The following SAP30BP variants were observed in gnomAD, a reference collection of about 807,000 sequenced individuals.
SAP30BP encodes SAP30 binding protein, also known as SAP30-binding protein.
SAP30BP carries 31 observed loss-of-function variants against 46.3 expected under a neutral mutation model. The ratio of observed to expected loss-of-function variants is 0.67; its 90% CI spans 0.50 to 0.90. The LOEUF (loss-of-function observed/expected upper bound fraction) is 0.90, where lower values mean the gene tolerates loss of function less well. Among genes scored for constraint, SAP30BP ranks in the 40% least tolerant of loss-of-function variants. The probability of loss-of-function intolerance (pLI) is 0.00; values close to 1 mark genes in which losing one functional copy is unlikely to be tolerated. For synonymous variants in SAP30BP, 169 were observed against 144.2 expected (o/e 1.17, Z -1.23); for missense variants, 312 against 391.0 (o/e 0.80, Z 1.70).
intron 3 of SAP30BP, among the ~76,000 whole-genome samples, chr17:75,676,487 T>C (rs1016737695): frequency 3.9e-5 from 6 of 152,380 alleles, no homozygotes; most frequent in African/African-American, 1.4e-4. Flanking sequence ...TTTGAAAGCA[T>C]GAATTTATCA....
chr17:75,679,598 T>A (rs1435275251), intron 3 of SAP30BP: 2 of 152,188 alleles, frequency 1.3e-5, no homozygotes, highest in African/African-American at 4.8e-5. Flanking sequence ...GGTCCTGTCC[T>A]TTAGGTTGGG....
chr17:75,701,044 A>G (rs1220767730), intron 5 of SAP30BP, among the ~76,000 whole-genome samples: 3 of 152,072 alleles, frequency 2.0e-5, no homozygotes, highest in Non-Finnish European at 4.4e-5. Context: ...AGCTTGGAGG[A>G]CAGAGGTTCT....
At chr17:75,676,531 G>A (rs2059992777) in intron 3 of SAP30BP, among the ~76,000 whole-genome samples, 1 of 152,216 alleles carries the variant, frequency 6.6e-6, no homozygotes, top group African/African-American at 2.4e-5. Context: ...TTTCCTTGAA[G>A]TAACAGGCTT....
intron 3 of SAP30BP, among the ~76,000 whole-genome samples, chr17:75,688,754 C>T (rs2060198805): frequency 6.6e-6 from 1 of 152,202 alleles, no homozygotes; most frequent in Non-Finnish European, 1.5e-5. Flanking sequence ...TTACTTCCTT[C>T]CTGCGCTCCA....
chr17:75,693,327 C>T (rs372299123), intron 3 of SAP30BP, 113 bp from the exon 4 acceptor site: 1 of 856,080 alleles, frequency 1.2e-6, no homozygotes, highest in African/African-American at 1.7e-5. Flanking sequence ...CTTAGTGTTC[C>T]TGGCAGTGCT....
In SAP30BP at chr17:75,703,394, G is replaced by A. The variant is rs753292978; in HGVS notation, c.549+23G>A. On this transcript the variant is annotated intron_variant, in intron 7 of 10. Transcript: ENST00000584667. Reference sequence around the variant, plus strand: ...AAGGTGCGTCTGGCACACGGGGCTGGAGGGTGATGGGGACACCCAGGGTCC... The same window carrying A: ...AAGGTGCGTCTGGCACACGGGGCTGAAGGGTGATGGGGACACCCAGGGTCC... 3 of 1,610,202 alleles carry A rather than the reference G, an allele frequency of 1.9e-6. No individual in the cohort carries two copies. In the South Asian group the frequency reaches 3.3e-5, roughly 18 times the overall value.
At chr17:75,703,510 T>C in intron 7 of SAP30BP, 139 bp downstream of exon 7, 1 of 733,180 alleles carries the variant, frequency 1.4e-6, no homozygotes, top group Non-Finnish European at 2.3e-6. Context: ...TCTCTTTTGT[T>C]TGAGTCCCTA....
chr17:75,677,865 C>T (rs557487410), intron 3 of SAP30BP, among the ~76,000 whole-genome samples: 3 of 150,604 alleles, frequency 2.0e-5, no homozygotes, highest in South Asian at 4.2e-4. Flanking sequence ...AAGGTCAACA[C>T]GATGAAAAAG....
intron 9 of SAP30BP, 105 bp downstream of exon 9, chr17:75,704,919 T>G: frequency 1.1e-6 from 1 of 877,376 alleles, no homozygotes; most frequent in Non-Finnish European, 1.9e-6. Context: ...CCTGGCCCCG[T>G]GTCATCACCC....
At position 75,699,846 on chromosome 17, in the gene SAP30BP, C is replaced by T. The variant is rs1362484637; in HGVS notation, c.371C>T (p.Pro124Leu). Residue 124 changes from proline (P) to leucine (L), a missense_variant, in exon 5 of 11, where the codon CCT (proline) becomes CTT (leucine). Physicochemically the swap from Pro to Leu is moderately conservative, Grantham distance 98. Around this residue, in one of 2 missense-constraint regions of SAP30BP, gnomAD observed 296 missense variants for 346.6 expected, o/e 0.85. Coordinates refer to ENST00000584667, the MANE Select transcript of SAP30BP (RefSeq NM_013260.8). ...GAAATCAAGATCCCGCCAGAACCCC[C>T]TGGCAGATGTTCAAATCACTTGCAA... is the stretch of plus-strand genomic sequence containing the variant. ...PDEIKIPPEP[P>L]GRCSNHLQDK... The T allele has an allele frequency of 1.9e-6, 3 of 1,613,154 alleles. No homozygotes were observed. Among genetic ancestry groups the T allele is most frequent in the Non-Finnish European group, 2.5e-6 (3 of 1,179,302 alleles).
chr17:75,704,528 G>A (rs1205200144), intron 8 of SAP30BP, among the ~76,000 whole-genome samples: 36 of 152,230 alleles, frequency 2.4e-4, no homozygotes, highest in Admixed American at 2.4e-3. Context: ...AGGAGCTCAG[G>A]AGTAGCTGAC....
intron 3 of SAP30BP, among the ~76,000 whole-genome samples, chr17:75,674,580 G>A (rs924684912): frequency 6.6e-6 from 1 of 151,746 alleles, no homozygotes; most frequent in African/African-American, 2.4e-5. Context: ...ACAGGCATAA[G>A]CCACTGTGCC....
rs971886476 is a variant in SAP30BP at position 75,667,431 on chromosome 17, C to T, written c.59C>T (p.Pro20Leu). ...SLAVYAEDSEPESDGEAGIEA... is the reference protein window; with the variant it reads ...SLAVYAEDSELESDGEAGIEA... Reference sequence around the variant, plus strand: ...GCAGTTTACGCGGAAGATTCAGAGCCCGAGTCTGATGGCGAGGCTGGAATC... The same window carrying T: ...GCAGTTTACGCGGAAGATTCAGAGCTCGAGTCTGATGGCGAGGCTGGAATC... Residue 20 changes from proline (P) to leucine (L), a missense_variant, in exon 1 of 11, where the codon CCC (proline) becomes CTC (leucine). Physicochemically the swap from Pro to Leu is moderately conservative, Grantham distance 98 (BLOSUM62 -3). Coordinates refer to ENST00000584667, the MANE Select transcript of SAP30BP (RefSeq NM_013260.8). 5 of 1,614,048 alleles carry T rather than the reference C, an allele frequency of 3.1e-6. No individual in the cohort carries two copies. The highest frequency in any genetic ancestry group is 3.3e-5 in the Admixed American group (2 of 59,996).
Position 75,706,214 on chromosome 17 carries a change from A to T in SAP30BP, c.745+122A>T. Reference sequence around the variant, plus strand: ...GCTCAGCCTTGCTACTTTGAGAAGCACCTTTGGAGTCTGGGGTGGGCCACT... The same window carrying T: ...GCTCAGCCTTGCTACTTTGAGAAGCTCCTTTGGAGTCTGGGGTGGGCCACT... On this transcript the variant is annotated intron_variant, in intron 10 of 10. Transcript: ENST00000584667. This position sits in a 1 kb window ranked among gnomAD's most constrained non-coding sequence, Gnocchi z 4.6. 4 of 1,551,826 alleles carry T rather than the reference A, an allele frequency of 2.6e-6. No individual in the cohort carries two copies. Among genetic ancestry groups the T allele is most frequent in the Non-Finnish European group, 3.5e-6 (4 of 1,149,966 alleles).
intron 3 of SAP30BP, among the ~76,000 whole-genome samples, chr17:75,682,287 C>T (rs747979833): frequency 2.0e-5 from 3 of 151,732 alleles, no homozygotes; most frequent in Admixed American, 6.6e-5. Flanking sequence ...TTGGTTCAAG[C>T]GATTCTCCTG....
intron 3 of SAP30BP, among the ~76,000 whole-genome samples, chr17:75,675,874 G>T (rs950807192): frequency 6.6e-6 from 1 of 152,206 alleles, no homozygotes; most frequent in Non-Finnish European, 1.5e-5. Flanking sequence ...CTGTGATCTT[G>T]TCACTGCACT....
chr17:75,705,651 G>A, intron 9 of SAP30BP: 1 of 1,091,654 alleles, frequency 9.2e-7, no homozygotes, highest in African/African-American at 1.6e-5. Flanking sequence ...GGGGACCGGA[G>A]CTGTCCTTCC....
intron 3 of SAP30BP, chr17:75,691,489 G>A (rs377362003): frequency 2.2e-6 from 1 of 456,680 alleles, no homozygotes. Context: ...AAGCCACGGG[G>A]AGGCTCCTGG....
intron 7 of SAP30BP, 101 bp from the exon 8 acceptor site, chr17:75,703,705 GGT>G: frequency 3.8e-6 from 4 of 1,055,614 alleles, no homozygotes; most frequent in Non-Finnish European, 5.9e-6. Context: ...CCGAGCCCCG[GGT>G]AAGGGGACCC....
Sources: allele counts gnomAD v4.1 joint callset (sites outside exome capture counted in the v4.1 genomes callset), GRCh38; gene constraint gnomAD v4.1.1; regional missense constraint gnomAD v4.1.1; non-coding constraint Gnocchi (gnomAD v3.1); transcripts MANE v1.5; gene names NCBI Gene and HGNC (gene_info 2026-07-23, HGNC 2026-07-21).